EXT1: variants seen among roughly 807,000 people sequenced by gnomAD.
EXT1 encodes the protein exostosin-1.
In EXT1, 20 loss-of-function variants were observed where a neutral mutation model predicts 82.5. The ratio of observed to expected loss-of-function variants is 0.24; its 90% CI spans 0.17 to 0.35. The LOEUF is 0.35. Among genes scored for constraint, EXT1 ranks in the 10% least tolerant of loss-of-function variants. EXT1 has a pLI of 1.00. For synonymous variants in EXT1, 348 were observed against 350.8 expected, an observed-to-expected ratio of 0.99 and a Z score of 0.09; for missense variants, 757 against 936.5, an observed-to-expected ratio of 0.81 and a Z score of 2.50.
chr8:117,874,401 C>G (rs1812929614), intron 1 of EXT1, among the ~76,000 whole-genome samples: 1 of 151,874 alleles, frequency 6.6e-6, no homozygotes, highest in African/African-American at 2.4e-5. Flanking sequence ...CATGGCGAAA[C>G]CTAGTCTCTA....
At chr8:118,107,827 C>A (rs1162400260) in intron 1 of EXT1, among the ~76,000 whole-genome samples, 4 of 152,184 alleles carry the variant, frequency 2.6e-5, no homozygotes, top group Admixed American at 6.5e-5. Context: ...TGAATGTAAA[C>A]CTTTCGCAGC....
chr8:117,902,296 A>AT (rs1813464303), intron 1 of EXT1, among the ~76,000 whole-genome samples: 1 of 152,206 alleles, frequency 6.6e-6, no homozygotes, highest in Admixed American at 6.5e-5. Context: ...AAAAATAACA[A>AT]TAAAAAAACT....
chr8:117,956,589 C>T (rs1007929313), intron 1 of EXT1, among the ~76,000 whole-genome samples: 5 of 152,046 alleles, frequency 3.3e-5, no homozygotes, highest in African/African-American at 7.2e-5. Context: ...ACTACAGGCA[C>T]GCATCACCAT....
At chr8:117,889,023 C>T (rs1813197521) in intron 1 of EXT1, among the ~76,000 whole-genome samples, 1 of 152,150 alleles carries the variant, frequency 6.6e-6, no homozygotes, top group South Asian at 2.1e-4. Context: ...GCTCCTGCAG[C>T]CACGTAAGAG....
intron 1 of EXT1, among the ~76,000 whole-genome samples, chr8:118,029,576 A>T (rs928150578): frequency 6.6e-6 from 1 of 152,192 alleles, no homozygotes; most frequent in Admixed American, 6.5e-5. Flanking sequence ...AAAGTAACTA[A>T]CTTCTCCAAG....
chr8:117,817,097 T>A (rs1196247399), intron 7 of EXT1, among the ~76,000 whole-genome samples: 1 of 152,188 alleles, frequency 6.6e-6, no homozygotes, highest in Non-Finnish European at 1.5e-5. Flanking sequence ...CATTAAATGC[T>A]TACCAAGCAG....
intron 1 of EXT1, among the ~76,000 whole-genome samples, chr8:118,097,090 A>G (rs984204731): frequency 3.3e-5 from 5 of 151,966 alleles, no homozygotes; most frequent in Non-Finnish European, 5.9e-5. Flanking sequence ...AAGCTGCAAA[A>G]TTCTTCCTCA....
chr8:118,050,135 G>C (rs1475957896), intron 1 of EXT1, among the ~76,000 whole-genome samples: 2 of 152,214 alleles, frequency 1.3e-5, no homozygotes, highest in Non-Finnish European at 2.9e-5. Context: ...GAGAGAGAGA[G>C]ACATGGGTTT....
chr8:117,905,852 G>A (rs1813534359), intron 1 of EXT1, among the ~76,000 whole-genome samples: 1 of 152,118 alleles, frequency 6.6e-6, no homozygotes, highest in African/African-American at 2.4e-5. Context: ...TGAAAGACCA[G>A]ATTTTTACCT....
intron 1 of EXT1, among the ~76,000 whole-genome samples, chr8:117,987,625 C>T (rs1490508002): frequency 6.6e-6 from 1 of 152,176 alleles, no homozygotes; most frequent in African/African-American, 2.4e-5. Context: ...CTCTGATGTA[C>T]GTTAAAGCTC....
chr8:118,097,131 TG>T (rs529390053), intron 1 of EXT1, among the ~76,000 whole-genome samples: 89 of 152,178 alleles, frequency 5.8e-4, no homozygotes, highest in African/African-American at 2.0e-3. Flanking sequence ...CCAAACGACC[TG>T]GTGAGCTTTT....
At chr8:118,060,915 C>T (rs1421891453) in intron 1 of EXT1, among the ~76,000 whole-genome samples, 1 of 152,250 alleles carries the variant, frequency 6.6e-6, no homozygotes, top group East Asian at 1.9e-4. Context: ...CCTGGTATCA[C>T]TTTCCCTTTC....
At chr8:117,925,296 A>G (rs745964590) in intron 1 of EXT1, among the ~76,000 whole-genome samples, 1 of 151,708 alleles carries the variant, frequency 6.6e-6, no homozygotes, top group Non-Finnish European at 1.5e-5. Flanking sequence ...TTTTCACAGC[A>G]TTTAGTATGG....
At chr8:117,979,849 G>A (rs1223387023) in intron 1 of EXT1, among the ~76,000 whole-genome samples, 2 of 152,176 alleles carry the variant, frequency 1.3e-5, no homozygotes, top group African/African-American at 4.8e-5. Flanking sequence ...GAGTGACAGA[G>A]AAAAGCTAGA....
At chr8:117,983,698 T>G in intron 1 of EXT1, among the ~76,000 whole-genome samples, 1 of 152,150 alleles carries the variant, frequency 6.6e-6, no homozygotes, top group East Asian at 1.9e-4. Context: ...TAGAATCTTT[T>G]AGGGGAATCT....
intron 1 of EXT1, among the ~76,000 whole-genome samples, chr8:117,958,747 A>G (rs1362091231): frequency 6.6e-6 from 1 of 152,228 alleles, no homozygotes; most frequent in African/African-American, 2.4e-5. Flanking sequence ...CTACCTGCAC[A>G]TAGAACTAGA....
intron 1 of EXT1, among the ~76,000 whole-genome samples, chr8:118,057,976 A>G (rs897070795): frequency 1.5e-5 from 2 of 135,554 alleles, no homozygotes; most frequent in Non-Finnish European, 3.1e-5. Flanking sequence ...ATCTCAAAAG[A>G]AAAAAAAAAA....
intron 1 of EXT1, among the ~76,000 whole-genome samples, chr8:118,008,418 C>G (rs1401313550): frequency 1.3e-5 from 2 of 152,068 alleles, no homozygotes; most frequent in Non-Finnish European, 2.9e-5. Flanking sequence ...CACCACCATG[C>G]CTGGCTAACT....
chr8:117,889,189 C>T (rs1813200236), intron 1 of EXT1, among the ~76,000 whole-genome samples: 1 of 152,168 alleles, frequency 6.6e-6, no homozygotes, highest in Non-Finnish European at 1.5e-5. Flanking sequence ...CAGAAGGAGC[C>T]TGGGTCCCTG....
Sources: gnomAD v4.1 joint callset for allele counts (sites outside exome capture counted in the v4.1 genomes callset) on GRCh38, gnomAD v4.1.1 for gene constraint, MANE v1.5 for transcripts, NCBI Gene and HGNC (gene_info 2026-07-23, HGNC 2026-07-21) for gene names.